The following WWP1 variants were observed in gnomAD, a reference collection of about 807,000 sequenced individuals.
WWP1 encodes NEDD4-like E3 ubiquitin-protein ligase WWP1.
Under a neutral mutation model 130.6 loss-of-function variants are expected in WWP1, and 49 were observed. That is an observed-to-expected ratio of 0.38 (90% confidence interval 0.30 to 0.48). The LOEUF (loss-of-function observed/expected upper bound fraction) is 0.48, where lower values mean the gene tolerates loss of function less well. Ranked by LOEUF, WWP1 falls within the 20% of genes least tolerant of loss-of-function variation. The probability of loss-of-function intolerance (pLI) is 0.99; values close to 1 mark genes in which losing one functional copy is unlikely to be tolerated. For missense variants in WWP1, 809 were observed against 1,100.6 expected (o/e 0.74, Z 3.75); for synonymous variants, 332 against 367.8 (o/e 0.90, Z 1.11).
chr8:86,443,871 A>G (rs377763782), intron 18 of WWP1, among the ~76,000 whole-genome samples: 1 of 152,172 alleles, frequency 6.6e-6, no homozygotes, highest in South Asian at 2.1e-4. Context: ...GACCAGTATA[A>G]TTGCAGCAGA....
chr8:86,444,608 G>A (rs961649591), intron 18 of WWP1, among the ~76,000 whole-genome samples: 1 of 152,172 alleles, frequency 6.6e-6, no homozygotes, highest in Admixed American at 6.5e-5. Flanking sequence ...TGTGTTTCAA[G>A]AAGGAAGACA....
intron 24 of WWP1, among the ~76,000 whole-genome samples, chr8:86,464,201 C>G (rs1377714130): frequency 6.6e-6 from 1 of 152,150 alleles, no homozygotes; most frequent in African/African-American, 2.4e-5. Flanking sequence ...AGAATAATAT[C>G]CATAATTACC....
chr8:86,376,305 A>T (rs371549398), intron 3 of WWP1, among the ~76,000 whole-genome samples: 53 of 152,348 alleles, frequency 3.5e-4, no homozygotes, highest in African/African-American at 1.3e-3. Flanking sequence ...GCGGTGGCTC[A>T]TGCCTGTAAT....
At chr8:86,457,413 G>C (rs762444803) in intron 21 of WWP1, among the ~76,000 whole-genome samples, 1 of 63,580 alleles carries the variant, frequency 1.6e-5, no homozygotes, top group Non-Finnish European at 3.0e-5. Flanking sequence ...AGATCTATCT[G>C]TCTGTCTGTC....
rs201423896 is a variant in WWP1, at chr8:86,407,889, CA to C, written c.725-3648del. On this transcript the variant is annotated intron_variant, in intron 8 of 24. Coordinates refer to ENST00000517970, the MANE Select transcript of WWP1 (RefSeq NM_007013.4). Reference sequence around the variant, plus strand: ...TACAATTAATGAACCATTAATAATACATTGTTATTAACTAAAGTCCATAGTT... The same window carrying C: ...TACAATTAATGAACCATTAATAATACTTGTTATTAACTAAAGTCCATAGTT... 9.9e-3 allele frequency among the ~76,000 whole-genome samples: 1,504 copies of C among 152,216 alleles called. 28 individuals are homozygous for C. Among genetic ancestry groups the C allele is most frequent in the African/African-American group, 0.035 (1,434 of 41,522 alleles).
At position 86,468,307 on chromosome 8, in the gene WWP1, T is replaced by C. The variant is rs1223069015; in HGVS notation, c.*1414T>C. ...ATTTTATTTTTCTACATATTGAGAG[T>C]GTGTTCTCCATTTTATTCAGAATTC... On this transcript the variant is annotated 3_prime_UTR_variant, in exon 25 of 25. Coordinates refer to ENST00000517970, the MANE Select transcript of WWP1 (RefSeq NM_007013.4). 1.9e-5 allele frequency: 8 copies of C among 425,072 alleles called. No homozygotes were observed. The highest frequency in any genetic ancestry group is 1.4e-4 in the South Asian group (8 of 57,136). The allele number at this position is 425,072 out of a possible 1,614,324, so 26.3% of individuals were successfully genotyped here.
chr8:86,424,495 T>G (rs1372174133), intron 9 of WWP1, among the ~76,000 whole-genome samples: 1 of 151,910 alleles, frequency 6.6e-6, no homozygotes, highest in Non-Finnish European at 1.5e-5. Context: ...ATCACGCCAC[T>G]GCACTCCAGC....
At position 86,452,488 on chromosome 8, in the gene WWP1, G is replaced by A. The variant is rs1811226889; in HGVS notation, c.2274-71G>A. 8.2e-6 allele frequency: 11 copies of A among 1,337,792 alleles called. No individual in the cohort carries two copies. The South Asian group carries it at 1.5e-4, about 18-fold the overall frequency. The allele number at this position is 1,337,792 out of a possible 1,614,324, so 82.9% of individuals were successfully genotyped here. ...TAGAAAAAGAGAAAGAACTATAGAA[G>A]TTCTTGGTGTTTTTAAGTATTTTAC... On this transcript the variant is annotated intron_variant, in intron 20 of 24. Transcript: ENST00000517970.
chr8:86,347,530 C>T (rs1394364654), intron 1 of WWP1, among the ~76,000 whole-genome samples: 1 of 152,098 alleles, frequency 6.6e-6, no homozygotes, highest in East Asian at 1.9e-4. Context: ...AACTTTTGTA[C>T]CGTGTAGAGG....
chr8:86,346,875 A>G (rs771299212), intron 1 of WWP1, among the ~76,000 whole-genome samples: 1 of 152,214 alleles, frequency 6.6e-6, no homozygotes, highest in Admixed American at 6.5e-5. Context: ...TGGCATTAAG[A>G]ATTGTACTAT....
intron 22 of WWP1, among the ~76,000 whole-genome samples, chr8:86,459,364 A>G (rs905768568): frequency 1.3e-5 from 2 of 152,104 alleles, no homozygotes; most frequent in African/African-American, 4.8e-5. Context: ...AATGCAAATT[A>G]ACAAAAATGT....
At chr8:86,369,241 A>G (rs1824148875) in intron 2 of WWP1, among the ~76,000 whole-genome samples, 1 of 152,178 alleles carries the variant, frequency 6.6e-6, no homozygotes, top group Non-Finnish European at 1.5e-5. Context: ...CTCAGATGGG[A>G]GAATATATGA....
intron 5 of WWP1, among the ~76,000 whole-genome samples, chr8:86,383,134 T>C (rs192775958): frequency 6.3e-4 from 95 of 151,926 alleles, no homozygotes; most frequent in Admixed American, 4.2e-3. Context: ...TTAAAACTTT[T>C]TCTTTTTCTT....
intron 5 of WWP1, among the ~76,000 whole-genome samples, chr8:86,387,897 G>A (rs1203214093): frequency 6.6e-6 from 1 of 152,148 alleles, no homozygotes; most frequent in Non-Finnish European, 1.5e-5. Context: ...GCATCATTCA[G>A]TAAGGGCTGC....
chr8:86,429,191 G>C (rs928829858), intron 11 of WWP1, among the ~76,000 whole-genome samples: 1 of 152,246 alleles, frequency 6.6e-6, no homozygotes, highest in Non-Finnish European at 1.5e-5. Context: ...TGAAAGGGCA[G>C]ATGGCTCTGT....
At position 86,442,713 on chromosome 8, in the gene WWP1, C is replaced by G. The variant is rs1394012862; in HGVS notation, c.1933C>G (p.Pro645Ala). The G allele has an allele frequency of 5.6e-6, 9 of 1,612,582 alleles. No homozygotes were observed. Among genetic ancestry groups the G allele is most frequent in the Non-Finnish European group, 7.6e-6 (9 of 1,179,444 alleles). The part of the protein sequence containing the change: ...GKNNYCLQIN[P>A]ASTINPDHLS... ...GAACAACTATTGTCTGCAGATAAAT[C>G]CAGCATCAACCATTAATCCAGACCA... Residue 645 changes from proline (P) to alanine (A), a missense_variant, in exon 18 of 25, where the codon CCA becomes GCA. Physicochemically the swap from Pro to Ala is conservative, Grantham distance 27. Coordinates refer to ENST00000517970, the MANE Select transcript of WWP1 (RefSeq NM_007013.4).
At chr8:86,390,442 C>T (rs1191578007) in intron 5 of WWP1, among the ~76,000 whole-genome samples, 2 of 152,172 alleles carry the variant, frequency 1.3e-5, no homozygotes, top group Admixed American at 1.3e-4. Flanking sequence ...TCTGCAATCC[C>T]GGCACTTCGG....
At chr8:86,357,005 A>G (rs1823298917) in intron 1 of WWP1, among the ~76,000 whole-genome samples, 1 of 152,212 alleles carries the variant, frequency 6.6e-6, no homozygotes, top group Admixed American at 6.5e-5. Context: ...AGAAAATAAA[A>G]TGGTTTGTAT....
intron 9 of WWP1, among the ~76,000 whole-genome samples, chr8:86,412,315 A>T (rs1234663866): frequency 6.6e-6 from 1 of 152,178 alleles, no homozygotes; most frequent in Non-Finnish European, 1.5e-5. Flanking sequence ...GCTCTATTAA[A>T]AATGCAGTTT....
Sources: allele counts gnomAD v4.1 joint callset (sites outside exome capture counted in the v4.1 genomes callset), GRCh38; gene constraint gnomAD v4.1.1; transcripts MANE v1.5; gene names NCBI Gene and HGNC (gene_info 2026-07-23, HGNC 2026-07-21).